Variants in DTNA observed in about 807,000 individuals in gnomAD.
DTNA encodes the protein dystrophin-related protein 3.
In DTNA, 43 loss-of-function variants were observed where a neutral mutation model predicts 100.7. That is an observed-to-expected ratio of 0.43 (90% CI 0.33 to 0.55). The LOEUF is 0.55. Ranked by LOEUF, DTNA falls within the 20% of genes least tolerant of loss-of-function variation. The probability of loss-of-function intolerance (pLI) is 0.04; values close to 1 mark genes in which losing one functional copy is unlikely to be tolerated. For synonymous variants in DTNA, 349 were observed against 347.9 expected, an observed-to-expected ratio of 1.00 and a Z score of -0.04; for missense variants, 798 against 953.9, an observed-to-expected ratio of 0.84 and a Z score of 2.15.
At chr18:34,664,980 T>G (rs1003335853) in intron 1 of DTNA, among the ~76,000 whole-genome samples, 1 of 151,670 alleles carries the variant, frequency 6.6e-6, no homozygotes, top group African/African-American at 2.4e-5. Flanking sequence ...TATCTTCTTC[T>G]TCTTCTTTTT....
intron 1 of DTNA, among the ~76,000 whole-genome samples, chr18:34,505,402 C>G (rs192911484): frequency 4.4e-4 from 67 of 152,302 alleles, no homozygotes; most frequent in African/African-American, 1.5e-3. Flanking sequence ...TCACATCTAC[C>G]AAATCTCTTT....
rs554326721 is a variant in DTNA at position 34,672,967 on chromosome 18, A to AAC, written c.-1-82995_-1-82994dup. Among the ~76,000 whole-genome samples the AAC allele has an allele frequency of 6.3e-4, 95 of 151,602 alleles. 1 individual carries two copies. Among genetic ancestry groups the AAC allele is most frequent in the East Asian group, 2.3e-3 (12 of 5,168 alleles). ...CTAAAAGGAGAGTTACTTTGATCAAAACACACACACACACATACCCGCAGT... is the reference window on the plus strand; with the variant it reads ...CTAAAAGGAGAGTTACTTTGATCAAAACACACACACACACACATACCCGCAGT... On this transcript the variant is annotated intron_variant, in intron 1 of 19. Transcript: ENST00000283365.
intron 3 of DTNA, among the ~76,000 whole-genome samples, chr18:34,782,360 C>T (rs946255919): frequency 1.3e-5 from 2 of 152,024 alleles, no homozygotes; most frequent in Non-Finnish European, 2.9e-5. Flanking sequence ...TGACCCTGAG[C>T]ATAAAATTTA....
At chr18:34,827,503 C>A in intron 9 of DTNA, 90 bp from the exon 10 acceptor site, 1 of 1,184,170 alleles carries the variant, frequency 8.4e-7, no homozygotes, top group Non-Finnish European at 1.3e-6. Context: ...CCAGATCTTC[C>A]CATCCCGTTT....
At chr18:34,847,753 A>G (rs1012993647) in intron 13 of DTNA, among the ~76,000 whole-genome samples, 1 of 152,218 alleles carries the variant, frequency 6.6e-6, no homozygotes, top group Admixed American at 6.5e-5. Flanking sequence ...TGGTCTTTTT[A>G]TAATCTCATC....
At chr18:34,854,183 A>G (rs989913895) in intron 15 of DTNA, among the ~76,000 whole-genome samples, 1 of 152,212 alleles carries the variant, frequency 6.6e-6, no homozygotes, top group Non-Finnish European at 1.5e-5. Flanking sequence ...AAATGTACTG[A>G]TACTTTACAT....
intron 1 of DTNA, among the ~76,000 whole-genome samples, chr18:34,602,232 A>C (rs2052017901): frequency 6.6e-6 from 1 of 152,220 alleles, no homozygotes. Context: ...CAATATTTTA[A>C]GGTCCTTTGA....
At chr18:34,792,877 A>C (rs1046923129) in intron 3 of DTNA, among the ~76,000 whole-genome samples, 12 of 152,204 alleles carry the variant, frequency 7.9e-5, no homozygotes, top group Non-Finnish European at 1.6e-4. Context: ...TGGAAGCCAC[A>C]TATCTATACA....
chr18:34,762,102 C>A (rs547890580), intron 2 of DTNA, among the ~76,000 whole-genome samples: 7 of 152,256 alleles, frequency 4.6e-5, no homozygotes, highest in African/African-American at 1.7e-4. Flanking sequence ...TATCAACATA[C>A]TAAAAGCAAA....
rs1308981459 is a variant in DTNA, at chr18:34,731,158, A to T, written c.-2+20713A>T. 3.9e-5 allele frequency among the ~76,000 whole-genome samples: 6 copies of T among 152,338 alleles called. No homozygotes were observed. In the Middle Eastern group the frequency reaches 0.014, roughly 345 times the overall value. ...AAAGGGTTATCTGTTATCTTTTGAA[A>T]ATGGTGATAATTTCTACCTTGCTAT... is the stretch of plus-strand genomic sequence containing the variant. On this transcript the variant is annotated intron_variant, in intron 1 of 22. Transcript: ENST00000444659.
At chr18:34,819,867 A>G (rs758758077) in intron 8 of DTNA, among the ~76,000 whole-genome samples, 1 of 152,074 alleles carries the variant, frequency 6.6e-6, no homozygotes, top group East Asian at 1.9e-4. Flanking sequence ...TATATTACCA[A>G]TTATGGACTC....
intron 2 of DTNA, among the ~76,000 whole-genome samples, chr18:34,758,478 T>C (rs78730823): frequency 0.014 from 2,184 of 152,292 alleles, 54 homozygotes; most frequent in African/African-American, 0.05. Context: ...AGGCAGGAAG[T>C]ACTTTAAGCA....
At chr18:34,620,679 AAG>A (rs2056315206) in intron 1 of DTNA, among the ~76,000 whole-genome samples, 2 of 152,122 alleles carry the variant, frequency 1.3e-5, no homozygotes, top group South Asian at 4.1e-4. Flanking sequence ...GAGAAGGAAG[AAG>A]AGAGAGAGCA....
intron 1 of DTNA, among the ~76,000 whole-genome samples, chr18:34,586,329 C>T (rs1439125): frequency 0.1 from 15,651 of 152,082 alleles, 1,169 homozygotes; most frequent in African/African-American, 0.21. Context: ...GGGAGTAATG[C>T]CTTTTTTATG....
chr18:34,782,514 C>A (rs2094364159), intron 3 of DTNA, among the ~76,000 whole-genome samples: 1 of 152,028 alleles, frequency 6.6e-6, no homozygotes, highest in African/African-American at 2.4e-5. Flanking sequence ...GCTCTGGGAG[C>A]AACAAAAGGG....
At chr18:34,824,373 T>A (rs1240402044) in intron 9 of DTNA, among the ~76,000 whole-genome samples, 2 of 151,502 alleles carry the variant, frequency 1.3e-5, no homozygotes, top group Non-Finnish European at 2.9e-5. Context: ...CTACTCGGGA[T>A]GCTGAGGCAG....
chr18:34,549,372 A>G (rs1371287459), intron 1 of DTNA, among the ~76,000 whole-genome samples: 8 of 152,110 alleles, frequency 5.3e-5, no homozygotes, highest in African/African-American at 1.4e-4. Flanking sequence ...TATTGAAAGG[A>G]AAATATCAAG....
At chr18:34,714,966 C>A (rs543139024) in intron 1 of DTNA, among the ~76,000 whole-genome samples, 1 of 149,708 alleles carries the variant, frequency 6.7e-6, no homozygotes, top group African/African-American at 2.5e-5. Context: ...AACAAAAAAC[C>A]AAACACCGCA....
intron 1 of DTNA, among the ~76,000 whole-genome samples, chr18:34,544,314 A>C (rs150724180): frequency 1.3e-5 from 2 of 152,108 alleles, no homozygotes; most frequent in African/African-American, 4.8e-5. Context: ...TGATTAAATA[A>C]ATATGTTTTT....
Sources: gnomAD v4.1 joint callset for allele counts (sites outside exome capture counted in the v4.1 genomes callset) on GRCh38, gnomAD v4.1.1 for gene constraint, MANE v1.5 for transcripts, NCBI Gene and HGNC (gene_info 2026-07-23, HGNC 2026-07-21) for gene names.